COL4A5: variants seen among roughly 807,000 people sequenced by gnomAD.
The protein encoded by COL4A5 is collagen type IV alpha 5 chain.
COL4A5 carries 26 observed loss-of-function variants against 130.2 expected under a neutral mutation model. The observed-to-expected ratio is 0.20, with a 90% confidence interval of 0.15 to 0.28. The LOEUF is 0.28. COL4A5 is among the 10% of genes least tolerant of loss of function. The pLI is 1.00. For synonymous variants in COL4A5, 496 were observed against 439.6 expected, an observed-to-expected ratio of 1.13 and a Z score of -1.60; for missense variants, 1,131 against 1,344.3, an observed-to-expected ratio of 0.84 and a Z score of 2.48.
chrX:108,628,851 C>A (rs1412771598), intron 36 of COL4A5, among the ~76,000 whole-genome samples: 3 of 111,409 alleles, frequency 2.7e-5, no homozygotes, highest in African/African-American at 9.8e-5. Context: ...GGAGATACAG[C>A]CTGAACAAAA....
rs2147859887 is a variant in COL4A5 at position 108,620,284 on chromosome X, G to A, written c.2535G>A (p.Lys845=). The A allele has an allele frequency of 8.3e-7, 1 of 1,208,584 alleles. No homozygotes were observed. Among genetic ancestry groups the A allele is most frequent in the East Asian group, 3.0e-5 (1 of 33,793 alleles). Residue 845 remains lysine (K), a synonymous_variant, in exon 31 of 53, where the codon AAG becomes AAA. Coordinates refer to ENST00000328300, the MANE Select transcript of COL4A5 (RefSeq NM_033380.3). ...QPGLHGIPGE[K]GDPGPPGLDV... The stretch of plus-strand genomic sequence containing the variant: ...GTTTACATGGAATACCAGGAGAGAA[G>A]GGGGATCCAGGACCTCCTGGACTTG...
At chrX:108,588,010 G>A (rs2147790665) in intron 19 of COL4A5, among the ~76,000 whole-genome samples, 1 of 110,810 alleles carries the variant, frequency 9.0e-6, no homozygotes, top group South Asian at 3.8e-4. Context: ...AAATCCCCAT[G>A]GTGATTTTGT....
At chrX:108,502,752 C>T (rs1357686155) in intron 1 of COL4A5, among the ~76,000 whole-genome samples, 12 of 111,530 alleles carry the variant, frequency 1.1e-4, no homozygotes, top group Non-Finnish European at 2.1e-4. Flanking sequence ...GAAATAAGAA[C>T]TATGCTACCC....
intron 1 of COL4A5, among the ~76,000 whole-genome samples, chrX:108,482,945 C>G (rs1047515795): frequency 2.1e-4 from 24 of 111,692 alleles, no homozygotes; most frequent in African/African-American, 6.5e-4. Flanking sequence ...TTCTTTGCCA[C>G]TCATGAGTGG....
At chrX:108,466,634 C>G (rs1044175602) in intron 1 of COL4A5, among the ~76,000 whole-genome samples, 1 of 110,539 alleles carries the variant, frequency 9.0e-6, no homozygotes, top group African/African-American at 3.3e-5. Context: ...AGGTCTTGCT[C>G]TGTTGCCCAG....
chrX:108,450,865 T>C (rs941207380), intron 1 of COL4A5, among the ~76,000 whole-genome samples: 2 of 110,326 alleles, frequency 1.8e-5, no homozygotes, highest in Non-Finnish European at 3.8e-5. Context: ...TTATTATTAT[T>C]ATACTTTAAG....
intron 1 of COL4A5, among the ~76,000 whole-genome samples, chrX:108,533,406 C>G (rs896534760): frequency 9.0e-6 from 1 of 111,321 alleles, no homozygotes; most frequent in Admixed American, 9.6e-5. Flanking sequence ...CTTAAATCTT[C>G]TTTTGCACAG....
chrX:108,663,698 T>A (rs979351985), intron 37 of COL4A5, among the ~76,000 whole-genome samples: 3 of 108,812 alleles, frequency 2.8e-5, no homozygotes, highest in Non-Finnish European at 5.7e-5. Context: ...CGTTTACCTG[T>A]GTAACAAACC....
At chrX:108,536,447 C>T (rs910971292) in intron 1 of COL4A5, among the ~76,000 whole-genome samples, 17 of 111,437 alleles carry the variant, frequency 1.5e-4, no homozygotes, top group African/African-American at 5.2e-4. Context: ...TAAAATATTA[C>T]TGTAGTTTCA....
chrX:108,567,376 G>A (rs775885153), intron 4 of COL4A5, among the ~76,000 whole-genome samples: 10 of 111,629 alleles, frequency 9.0e-5, no homozygotes, highest in Middle Eastern at 4.6e-3. Flanking sequence ...AAACATCTAC[G>A]TGGTTTTATA....
chrX:108,684,751 C>T (rs181621745), intron 47 of COL4A5, among the ~76,000 whole-genome samples: 21 of 112,417 alleles, frequency 1.9e-4, no homozygotes, highest in African/African-American at 6.1e-4. Context: ...TAACTAATTT[C>T]ATGAGGTCAG....
intron 1 of COL4A5, among the ~76,000 whole-genome samples, chrX:108,479,892 A>C (rs2064872048): frequency 9.0e-6 from 1 of 111,476 alleles, no homozygotes; most frequent in South Asian, 3.8e-4. Context: ...TCTCAAAAGG[A>C]GAGTAGTTTT....
intron 1 of COL4A5, among the ~76,000 whole-genome samples, chrX:108,509,597 C>T (rs2065161579): frequency 9.0e-6 from 1 of 111,311 alleles, no homozygotes; most frequent in Non-Finnish European, 1.9e-5. Context: ...AAATAAAAAC[C>T]ACAGTGAGAT....
At chrX:108,560,980 C>T (rs2065891685) in intron 3 of COL4A5, among the ~76,000 whole-genome samples, 1 of 111,658 alleles carries the variant, frequency 9.0e-6, no homozygotes, top group African/African-American at 3.3e-5. Context: ...AATTCAATTG[C>T]TTCCATATGG....
intron 4 of COL4A5, among the ~76,000 whole-genome samples, chrX:108,565,075 A>C (rs757058755): frequency 9.0e-6 from 1 of 111,726 alleles, no homozygotes; most frequent in East Asian, 2.8e-4. Flanking sequence ...CATTAACTAT[A>C]TTCTATATTC....
chrX:108,536,236 C>T (rs756542821), intron 1 of COL4A5, among the ~76,000 whole-genome samples: 6 of 108,573 alleles, frequency 5.5e-5, no homozygotes, highest in South Asian at 3.8e-4. Flanking sequence ...ATCTATTTGA[C>T]GTCAACTTTT....
intron 36 of COL4A5, among the ~76,000 whole-genome samples, chrX:108,636,216 T>C (rs1016332457): frequency 1.3e-4 from 14 of 111,913 alleles, no homozygotes; most frequent in Non-Finnish European, 2.1e-4. Flanking sequence ...TGTATACAAA[T>C]ATTAACTCCA....
At chrX:108,500,288 A>G (rs1418916666) in intron 1 of COL4A5, among the ~76,000 whole-genome samples, 1 of 112,248 alleles carries the variant, frequency 8.9e-6, no homozygotes, top group Non-Finnish European at 1.9e-5. Context: ...GAGGAGGTGC[A>G]GTCTTTCAGG....
At chrX:108,649,096 A>G (rs1203023907) in intron 36 of COL4A5, among the ~76,000 whole-genome samples, 2 of 111,433 alleles carry the variant, frequency 1.8e-5, no homozygotes, top group Non-Finnish European at 3.8e-5. Flanking sequence ...TTACACCAAC[A>G]GTGACCAAGC....
Sources: allele counts gnomAD v4.1 joint callset (sites outside exome capture counted in the v4.1 genomes callset), GRCh38; gene constraint gnomAD v4.1.1; transcripts MANE v1.5; gene names NCBI Gene and HGNC (gene_info 2026-07-23, HGNC 2026-07-21).